NAV1: variants seen among roughly 807,000 people sequenced by gnomAD.
The protein encoded by NAV1 is pore membrane and/or filament interacting like protein 3.
NAV1 carries 18 observed loss-of-function variants against 175.2 expected under a neutral mutation model. The observed-to-expected ratio is 0.10, with a 90% CI of 0.07 to 0.15. NAV1 has a LOEUF of 0.15. NAV1 is among the 10% of genes least tolerant of loss of function. The pLI is 1.00. For synonymous variants in NAV1, 897 were observed against 978.7 expected (o/e 0.92, Z 1.56); for missense variants, 1,731 against 2,436.6 (o/e 0.71, Z 6.10).
intron 1 of NAV1, among the ~76,000 whole-genome samples, chr1:201,649,889 C>G (rs1197688370): frequency 1.3e-5 from 2 of 152,090 alleles, no homozygotes; most frequent in South Asian, 4.1e-4. Context: ...TGATTGGCCC[C>G]GGAACACAGC....
chr1:201,756,864 C>T (rs934625813), intron 3 of NAV1, among the ~76,000 whole-genome samples: 3 of 108,044 alleles, frequency 2.8e-5, no homozygotes, highest in Admixed American at 9.3e-5. Context: ...TTCTTTCTTT[C>T]TTTCTTTCTT....
At chr1:201,621,803 G>A (rs899342660), upstream of NAV1, among the ~76,000 whole-genome samples, 8 of 152,150 alleles carry the variant, frequency 5.3e-5, no homozygotes, top group Non-Finnish European at 7.4e-5. Context: ...TTATGGAAAC[G>A]TTCATGCATG....
intron 1 of NAV1, among the ~76,000 whole-genome samples, chr1:201,546,687 G>A (rs114095263): frequency 0.012 from 1,865 of 151,924 alleles, 46 homozygotes; most frequent in African/African-American, 0.043. Flanking sequence ...GGTGGGTCAC[G>A]AGATCAGGAG....
At chr1:201,612,600 G>A (rs1667882714) in intron 2 of NAV1, among the ~76,000 whole-genome samples, 1 of 152,196 alleles carries the variant, frequency 6.6e-6, no homozygotes, top group Non-Finnish European at 1.5e-5. Context: ...GTCCTCACGT[G>A]GTGGAAGAAA....
intron 1 of NAV1, among the ~76,000 whole-genome samples, chr1:201,569,691 G>A (rs1457858603): frequency 6.6e-6 from 1 of 152,224 alleles, no homozygotes; most frequent in African/African-American, 2.4e-5. Flanking sequence ...CACAGAGAGG[G>A]GCCCTGTGAT....
intron 1 of NAV1, among the ~76,000 whole-genome samples, chr1:201,657,797 C>T (rs1475145850): frequency 2.6e-5 from 4 of 152,056 alleles, no homozygotes; most frequent in Admixed American, 6.5e-5. Flanking sequence ...TTTGGGAGGC[C>T]GAGGCAGGTG....
intron 15 of NAV1, among the ~76,000 whole-genome samples, chr1:201,802,017 G>A (rs998460787): frequency 7.0e-6 from 1 of 143,302 alleles, no homozygotes; most frequent in South Asian, 2.4e-4. Context: ...GGCGCCTGTA[G>A]TCCCAGCTAC....
intron 3 of NAV1, chr1:201,723,251 A>T (rs1173639412): frequency 6.6e-6 from 1 of 152,220 alleles, no homozygotes; most frequent in Non-Finnish European, 1.5e-5. Flanking sequence ...TATCTATTCA[A>T]GTCCTTTGCC....
chr1:201,683,078 A>G (rs1311671107), intron 1 of NAV1, among the ~76,000 whole-genome samples: 2 of 152,236 alleles, frequency 1.3e-5, no homozygotes, highest in Non-Finnish European at 2.9e-5. Flanking sequence ...CATCTAGGAT[A>G]ACACATTACT....
At chr1:201,721,300 C>G (rs1019411564) in intron 3 of NAV1, among the ~76,000 whole-genome samples, 2 of 152,232 alleles carry the variant, frequency 1.3e-5, no homozygotes, top group African/African-American at 4.8e-5. Context: ...ACCCTTAACA[C>G]GAGTTTGTTA....
At chr1:201,752,274 T>A (rs566478757) in intron 3 of NAV1, among the ~76,000 whole-genome samples, 13 of 152,354 alleles carry the variant, frequency 8.5e-5, no homozygotes, top group African/African-American at 3.1e-4. Context: ...GGGTGACAAC[T>A]CAACCTTCCT....
chr1:201,765,429 C>G (rs929630395), intron 3 of NAV1, among the ~76,000 whole-genome samples: 5 of 114,356 alleles, frequency 4.4e-5, no homozygotes, highest in East Asian at 5.8e-4. Flanking sequence ...GACTCTTGCT[C>G]TTTCACCCAG....
chr1:201,683,379 G>A (rs906856862), intron 1 of NAV1, among the ~76,000 whole-genome samples: 5 of 152,080 alleles, frequency 3.3e-5, no homozygotes, highest in South Asian at 2.1e-4. Flanking sequence ...ATTTTTCCAC[G>A]GACAGGGGTT....
In NAV1 at chr1:201,718,668, C is replaced by G; in HGVS notation, c.1139C>G (p.Ser380Trp). The change falls in exon 3 of 30, where the codon TCG (serine) becomes TGG (tryptophan). Residue 380 changes from serine to tryptophan, a missense_variant. Physicochemically the swap from Ser to Trp is radical, Grantham distance 177. Coordinates refer to ENST00000367296, the Ensembl canonical transcript of NAV1. The surrounding 1 kb of genome is among the most constrained non-coding windows in gnomAD (Gnocchi z 4.8). ...CTGGAGCTGGTCGAATCCCTGGACTCGGATGAGGTGGACCTCAAGTCCGGC... is the reference window on the plus strand; with the variant it reads ...CTGGAGCTGGTCGAATCCCTGGACTGGGATGAGGTGGACCTCAAGTCCGGC... 1 of 1,614,152 alleles carries G rather than the reference C, an allele frequency of 6.2e-7. No individual in the cohort carries two copies. Among genetic ancestry groups the G allele is most frequent in the South Asian group, 1.1e-5 (1 of 91,078 alleles).
At chr1:201,668,273 G>A (rs369661744) in intron 1 of NAV1, among the ~76,000 whole-genome samples, 141 of 152,246 alleles carry the variant, frequency 9.3e-4, no homozygotes, top group African/African-American at 3.1e-3. Flanking sequence ...CAGCTTCCTG[G>A]CACCCCTAAT....
rs760781324 is a variant in NAV1, at chr1:201,810,049, C to T, written c.4505C>T (p.Pro1502Leu). 2 of 1,614,018 alleles carry T rather than the reference C, an allele frequency of 1.2e-6. No homozygotes were observed. Among genetic ancestry groups the T allele is most frequent in the Non-Finnish European group, 1.7e-6 (2 of 1,180,014 alleles). ...GTGAAACGAGTGTTGGATGCAGAGC[C>T]CCCCGAGATGCCTCCTTGCCGTCGA... Residue 1502 changes from proline to leucine, a missense_variant, in exon 23 of 30, where the codon CCC becomes CTC. Physicochemically the swap from Pro to Leu is moderately conservative, Grantham distance 98. This residue lies in a region of NAV1 where 36 missense variants were observed against 45.3 expected (regional missense o/e 0.80). Transcript: ENST00000367296. This position sits in a 1 kb window ranked among gnomAD's most constrained non-coding sequence, Gnocchi z 6.0.
intron 3 of NAV1, among the ~76,000 whole-genome samples, chr1:201,761,239 T>C (rs1336189104): frequency 6.6e-6 from 1 of 152,220 alleles, no homozygotes; most frequent in Non-Finnish European, 1.5e-5. Context: ...CCAGGGATTC[T>C]GGAGTGAGAA....
At chr1:201,739,739 T>C in intron 3 of NAV1, 1 of 1,160,062 alleles carries the variant, frequency 8.6e-7, no homozygotes, top group Non-Finnish European at 1.1e-6. Flanking sequence ...TTTGTCTACC[T>C]GCTCTGGGTG....
chr1:201,711,305 G>C (rs1417465753), intron 1 of NAV1, among the ~76,000 whole-genome samples: 2 of 152,226 alleles, frequency 1.3e-5, no homozygotes, highest in African/African-American at 4.8e-5. Context: ...AGGGATGGCT[G>C]GGCTTGGGTG....
Sources: gnomAD v4.1 joint callset for allele counts (sites outside exome capture counted in the v4.1 genomes callset) on GRCh38, gnomAD v4.1.1 for gene constraint, gnomAD v4.1.1 regional missense constraint, Gnocchi (gnomAD v3.1) non-coding constraint, MANE v1.5 for transcripts, NCBI Gene and HGNC (gene_info 2026-07-23, HGNC 2026-07-21) for gene names.